ADGRG7: variants seen among roughly 807,000 people sequenced by gnomAD.
ADGRG7 encodes G-protein coupled receptor 128.
A neutral mutation model predicts 88.6 loss-of-function variants in ADGRG7; 82 were observed. The ratio of observed to expected loss-of-function variants is 0.93; its 90% CI spans 0.77 to 1.11. ADGRG7 has a LOEUF of 1.11. Among genes scored for constraint, ADGRG7 ranks in the 50% most tolerant of loss-of-function variants. The probability of loss-of-function intolerance (pLI) is 0.00; values close to 1 mark genes in which losing one functional copy is unlikely to be tolerated. For missense variants in ADGRG7, 945 were observed against 953.4 expected (o/e 0.99, Z 0.12); for synonymous variants, 381 against 345.2 (o/e 1.10, Z -1.15).
intron 15 of ADGRG7, among the ~76,000 whole-genome samples, chr3:100,686,373 A>G (rs1231131902): frequency 6.6e-6 from 1 of 152,108 alleles, no homozygotes; most frequent in Non-Finnish European, 1.5e-5. Flanking sequence ...GAAGCTCTTT[A>G]GTTTAATTAA....
chr3:100,628,475 C>T (rs2149016292), intron 1 of ADGRG7, among the ~76,000 whole-genome samples: 1 of 152,100 alleles, frequency 6.6e-6, no homozygotes, highest in African/African-American at 2.4e-5. Context: ...TCTCGTGCCT[C>T]AGCCTCCCAA....
intron 10 of ADGRG7, among the ~76,000 whole-genome samples, chr3:100,648,315 G>GTAA (rs5851216): frequency 0.9 from 136,324 of 152,036 alleles, 63,012 homozygotes; most frequent in East Asian, 1. Context: ...AAAATTGCAT[G>GTAA]ATTAAGAGCA....
chr3:100,615,995 A>G (rs1368344984), intron 1 of ADGRG7, among the ~76,000 whole-genome samples: 1 of 150,820 alleles, frequency 6.6e-6, no homozygotes, highest in Non-Finnish European at 1.5e-5. Flanking sequence ...ATCTGTTCAG[A>G]GCCATAAGTA....
At position 100,668,968 on chromosome 3, in the gene ADGRG7, A is replaced by G. The variant is rs781525256; in HGVS notation, c.1999A>G (p.Met667Val). 1 of 1,593,950 alleles carries G rather than the reference A, an allele frequency of 6.3e-7. No individual in the cohort carries two copies. The highest frequency in any genetic ancestry group is 8.5e-7 in the Non-Finnish European group (1 of 1,172,604). The change falls in exon 15 of 16, where the codon ATG (methionine) becomes GTG (valine). Residue 667 changes from methionine to valine, a missense_variant. Met to Val is a conservative substitution (Grantham distance 21). Transcript: ENST00000273352. ...ACCTAGCACAAAAAAAGTTTCATCC[A>G]TGAAGAAGATTGTTAGCACATTATC... The part of the protein sequence containing the change: ...NLTSTKKVSS[M>V]KKIVSTLSVA...
chr3:100,649,646 C>A, intron 10 of ADGRG7, 49 bp from the exon 11 acceptor site: 1 of 982,568 alleles, frequency 1.0e-6, no homozygotes, highest in Non-Finnish European at 1.6e-6. Flanking sequence ...CTTTCATTAA[C>A]ACTTCAGGGA....
chr3:100,686,699 T>A (rs2094983325), intron 15 of ADGRG7, among the ~76,000 whole-genome samples: 1 of 152,226 alleles, frequency 6.6e-6, no homozygotes, highest in African/African-American at 2.4e-5. Context: ...TATGTGGCAT[T>A]ATTTCTGAAG....
chr3:100,675,167 T>C (rs1187390289), intron 15 of ADGRG7, among the ~76,000 whole-genome samples: 1 of 152,240 alleles, frequency 6.6e-6, no homozygotes, highest in African/African-American at 2.4e-5. Flanking sequence ...ATCCTTTTTG[T>C]GTTCCAGATC....
chr3:100,612,620 A>G (rs1366730160), intron 1 of ADGRG7, among the ~76,000 whole-genome samples: 1 of 152,228 alleles, frequency 6.6e-6, no homozygotes, highest in Non-Finnish European at 1.5e-5. Context: ...TGTTTTCTTT[A>G]ACTCCTCCCA....
chr3:100,656,936 T>C (rs568350749), intron 13 of ADGRG7, among the ~76,000 whole-genome samples: 1 of 152,306 alleles, frequency 6.6e-6, no homozygotes, highest in African/African-American at 2.4e-5. Context: ...AGTAGAAATA[T>C]CTAATTAGAG....
chr3:100,629,822 C>G (rs1414727699), intron 2 of ADGRG7, 111 bp downstream of exon 2: 5 of 692,626 alleles, frequency 7.2e-6, no homozygotes, highest in Non-Finnish European at 1.3e-5. Context: ...AAACAATGGA[C>G]ATAATGATGA....
At chr3:100,647,463 G>A (rs903360175) in intron 10 of ADGRG7, among the ~76,000 whole-genome samples, 1 of 152,146 alleles carries the variant, frequency 6.6e-6, no homozygotes, top group African/African-American at 2.4e-5. Context: ...AAATTGCTCA[G>A]GTTACTAAGT....
At chr3:100,678,025 C>G (rs559733561) in intron 15 of ADGRG7, among the ~76,000 whole-genome samples, 2 of 152,158 alleles carry the variant, frequency 1.3e-5, no homozygotes, top group East Asian at 3.9e-4. Flanking sequence ...ACTGACCTCT[C>G]TCTACCTCAT....
At chr3:100,641,264 G>A (rs1458258620) in intron 6 of ADGRG7, among the ~76,000 whole-genome samples, 1 of 151,832 alleles carries the variant, frequency 6.6e-6, no homozygotes, top group Non-Finnish European at 1.5e-5. Flanking sequence ...ACAAAGTTTA[G>A]GGAAGCTTAA....
At position 100,609,800 on chromosome 3, in the gene ADGRG7, G is replaced by A. The variant is rs1707117991; in HGVS notation, c.-57G>A. 3.0e-6 allele frequency: 4 copies of A among 1,327,118 alleles called. No homozygotes were observed. Among genetic ancestry groups the A allele is most frequent in the Middle Eastern group, 1.8e-4 (1 of 5,512 alleles). 82.2% of individuals were successfully genotyped at this position (1,327,118 alleles called of 1,614,324 possible). ...TTTCCGATTAAACTTTTTAGCTCAA[G>A]AAGAAAAGAAGCTAGTTATTTCTCA... On this transcript the variant is annotated 5_prime_UTR_variant, in exon 1 of 16. Transcript: ENST00000273352.
chr3:100,637,473 C>T, intron 6 of ADGRG7, 71 bp downstream of exon 6: 1 of 986,628 alleles, frequency 1.0e-6, no homozygotes, highest in Middle Eastern at 2.1e-4. Flanking sequence ...AAAGTATTAA[C>T]AGAGATATCT....
At chr3:100,627,561 G>A (rs1208954231) in intron 1 of ADGRG7, among the ~76,000 whole-genome samples, 3 of 152,080 alleles carry the variant, frequency 2.0e-5, no homozygotes, top group Non-Finnish European at 4.4e-5. Context: ...TTTGGTATAA[G>A]GGTTATGCTG....
intron 15 of ADGRG7, among the ~76,000 whole-genome samples, chr3:100,687,499 T>A (rs886209961): frequency 3.3e-5 from 5 of 152,178 alleles, no homozygotes; most frequent in Non-Finnish European, 5.9e-5. Context: ...TTCAGTATGA[T>A]ATTGGCTGTG....
At chr3:100,629,764 A>T in intron 2 of ADGRG7, 53 bp downstream of exon 2, 2 of 1,181,598 alleles carry the variant, frequency 1.7e-6, no homozygotes, top group Non-Finnish European at 2.5e-6. Context: ...CTCTTGTGTT[A>T]ATAAGAATAG....
intron 14 of ADGRG7, among the ~76,000 whole-genome samples, chr3:100,661,213 A>G (rs1576329876): frequency 1.3e-5 from 2 of 152,324 alleles, no homozygotes; most frequent in Admixed American, 6.5e-5. Flanking sequence ...CCCCATCTCC[A>G]TAGCATAAAT....
Sources: gnomAD v4.1 joint callset for allele counts (sites outside exome capture counted in the v4.1 genomes callset) on GRCh38, gnomAD v4.1.1 for gene constraint, MANE v1.5 for transcripts, NCBI Gene and HGNC (gene_info 2026-07-23, HGNC 2026-07-21) for gene names.